The following GSE1 variants were observed in gnomAD, a reference collection of about 807,000 sequenced individuals.
The protein encoded by GSE1 is Gse1 coiled-coil protein.
In GSE1, 32 loss-of-function variants were observed where a neutral mutation model predicts 112.6. The ratio of observed to expected loss-of-function variants is 0.28; its 90% CI spans 0.21 to 0.38. The LOEUF (loss-of-function observed/expected upper bound fraction) is 0.38, where lower values mean the gene tolerates loss of function less well. Among genes scored for constraint, GSE1 ranks in the 10% least tolerant of loss-of-function variants. The pLI is 1.00. For synonymous variants in GSE1, 1,115 were observed against 735.6 expected, an observed-to-expected ratio of 1.52 and a Z score of -8.35; for missense variants, 2,348 against 1,699.2, an observed-to-expected ratio of 1.38 and a Z score of -6.71.
At chr16:85,456,556 G>A (rs1435781541) in intron 2 of GSE1, among the ~76,000 whole-genome samples, 2 of 149,004 alleles carry the variant, frequency 1.3e-5, no homozygotes. Context: ...CTGAGGACAG[G>A]GAGGGGAGGG....
intron 1 of GSE1, among the ~76,000 whole-genome samples, chr16:85,292,071 C>T (rs956481027): frequency 4.6e-5 from 7 of 152,020 alleles, no homozygotes; most frequent in Non-Finnish European, 1.5e-5. Context: ...GCTTTGGGCA[C>T]ATTGCTTAAC....
At chr16:85,495,787 T>C (rs1360988482) in intron 2 of GSE1, among the ~76,000 whole-genome samples, 1 of 152,150 alleles carries the variant, frequency 6.6e-6, no homozygotes, top group Admixed American at 6.5e-5. Context: ...CATGAGCCAC[T>C]ACGCCCAGCC....
At chr16:85,272,776 T>TC (rs1908976531) in intron 1 of GSE1, among the ~76,000 whole-genome samples, 3 of 147,110 alleles carry the variant, frequency 2.0e-5, no homozygotes, top group Admixed American at 2.0e-4. Flanking sequence ...TCTTCTCTTT[T>TC]CTTTTTTTTT....
At chr16:85,254,928 C>G in intron 1 of GSE1, among the ~76,000 whole-genome samples, 1 of 152,212 alleles carries the variant, frequency 6.6e-6, no homozygotes. Context: ...CTCTGCCCAC[C>G]ACAGTGCGCT....
At chr16:85,478,609 T>TACC (rs1271058072) in intron 2 of GSE1, among the ~76,000 whole-genome samples, 1 of 152,118 alleles carries the variant, frequency 6.6e-6, no homozygotes, top group Non-Finnish European at 1.5e-5. Context: ...GGGCTAGCTC[T>TACC]ACCATTTGGG....
At chr16:85,566,550 C>T (rs912226089) in intron 1 of GSE1, among the ~76,000 whole-genome samples, 1 of 152,324 alleles carries the variant, frequency 6.6e-6, no homozygotes, top group Non-Finnish European at 1.5e-5. Flanking sequence ...TTATAGATTT[C>T]TTCTTCCACC....
At chr16:85,385,975 A>G (rs919437566) in intron 2 of GSE1, among the ~76,000 whole-genome samples, 1 of 152,086 alleles carries the variant, frequency 6.6e-6, no homozygotes, top group African/African-American at 2.4e-5. Context: ...GTGGGCAGGG[A>G]GCGAACCCCC....
intron 2 of GSE1, among the ~76,000 whole-genome samples, chr16:85,444,069 C>G (rs1299642202): frequency 3.4e-5 from 5 of 148,006 alleles, no homozygotes; most frequent in Admixed American, 1.4e-4. Context: ...ACTGCGACCT[C>G]CGCCTCCCGG....
chr16:85,672,830 T>C lies in GSE1; in HGVS notation c.*291T>C, dbSNP rs2053455668. ...CCCACATTATTTCTTAATCTGAACA[T>C]GAAGGCTCCATTAGCAACACTAAAA... is the stretch of plus-strand genomic sequence containing the variant. On this transcript the variant is annotated 3_prime_UTR_variant, in exon 16 of 16. Coordinates refer to ENST00000253458, the MANE Select transcript of GSE1 (RefSeq NM_014615.5). 1 of 227,366 alleles carries C rather than the reference T, an allele frequency of 4.4e-6. No individual in the cohort carries two copies. The allele number at this position is 227,366 out of a possible 1,614,324, so 14.1% of individuals were successfully genotyped here. A position where few individuals can be genotyped will look rare whatever the true frequency, so the allele number is the denominator to read the frequency against.
At chr16:85,462,275 A>G (rs956755794) in intron 2 of GSE1, among the ~76,000 whole-genome samples, 3 of 152,026 alleles carry the variant, frequency 2.0e-5, no homozygotes, top group African/African-American at 7.2e-5. Context: ...CCCCTGGGTT[A>G]GAAGCGATGT....
At chr16:85,179,640 C>A (rs145481756) in intron 1 of GSE1, among the ~76,000 whole-genome samples, 274 of 152,286 alleles carry the variant, frequency 1.8e-3, no homozygotes, top group Admixed American at 3.7e-3. Flanking sequence ...ATTGGTGACT[C>A]CTTGAAGCCC....
At chr16:85,598,928 G>A (rs1227335203) in intron 1 of GSE1, among the ~76,000 whole-genome samples, 1 of 152,194 alleles carries the variant, frequency 6.6e-6, no homozygotes, top group African/African-American at 2.4e-5. Flanking sequence ...TCGGGGCAGT[G>A]GTTGGCACAA....
At chr16:85,550,853 G>A (rs2044883385) in intron 2 of GSE1, among the ~76,000 whole-genome samples, 1 of 152,250 alleles carries the variant, frequency 6.6e-6, no homozygotes, top group South Asian at 2.1e-4. Context: ...TCAGATTGGG[G>A]ATCCGGCGGG....
At chr16:85,197,207 C>G (rs1567604429) in intron 1 of GSE1, among the ~76,000 whole-genome samples, 2 of 152,132 alleles carry the variant, frequency 1.3e-5, no homozygotes, top group African/African-American at 4.8e-5. Context: ...ACGGTGGACC[C>G]AGAGCCACTT....
intron 2 of GSE1, among the ~76,000 whole-genome samples, chr16:85,360,255 G>A (rs141902524): frequency 1.3e-5 from 2 of 150,830 alleles, no homozygotes; most frequent in Non-Finnish European, 3.0e-5. Context: ...GTTGGGGGCG[G>A]GGGCCTGAGA....
rs568513790 is a variant in GSE1, at chr16:85,559,112, G to A, written c.37+2749G>A. Among the ~76,000 whole-genome samples, 6 of 152,264 alleles carry A rather than the reference G, an allele frequency of 3.9e-5. No individual in the cohort carries two copies. In the East Asian group the frequency reaches 1.2e-3, roughly 29 times the overall value. ...ACCTCAGGTGATCCACCCACTTTGG[G>A]CTCCCACCTTGGGCTGGGATTACAG... On this transcript the variant is annotated intron_variant, in intron 1 of 2. Transcript: ENST00000635906.
intron 2 of GSE1, among the ~76,000 whole-genome samples, chr16:85,440,798 G>C (rs1028028997): frequency 2.0e-5 from 3 of 152,254 alleles, no homozygotes; most frequent in African/African-American, 7.2e-5. Flanking sequence ...TGCAGCTTTG[G>C]AAACTGTGGG....
intron 2 of GSE1, among the ~76,000 whole-genome samples, chr16:85,460,055 C>A (rs1392743649): frequency 6.6e-6 from 1 of 152,218 alleles, no homozygotes; most frequent in Non-Finnish European, 1.5e-5. Context: ...AGTGCACATA[C>A]CTTCACCCAG....
At chr16:85,330,291 G>A (rs2046310538) in intron 1 of GSE1, among the ~76,000 whole-genome samples, 1 of 152,228 alleles carries the variant, frequency 6.6e-6, no homozygotes, top group African/African-American at 2.4e-5. Context: ...GAAGTGGGCT[G>A]CGTGGTGACA....
Sources: gnomAD v4.1 joint callset for allele counts (sites outside exome capture counted in the v4.1 genomes callset) on GRCh38, gnomAD v4.1.1 for gene constraint, MANE v1.5 for transcripts, NCBI Gene and HGNC (gene_info 2026-07-23, HGNC 2026-07-21) for gene names.